The following HDAC9 variants were observed in gnomAD, a reference collection of about 807,000 sequenced individuals.
HDAC9 encodes MEF-2 interacting transcription repressor (MITR) protein.
Under a neutral mutation model 139.4 loss-of-function variants are expected in HDAC9, and 41 were observed. That is an observed-to-expected ratio of 0.29 (90% CI 0.23 to 0.38). The LOEUF (loss-of-function observed/expected upper bound fraction) is 0.38, where lower values mean the gene tolerates loss of function less well. Among genes scored for constraint, HDAC9 ranks in the 10% least tolerant of loss-of-function variants. The pLI is 1.00. For synonymous variants in HDAC9, 517 were observed against 476.2 expected, an observed-to-expected ratio of 1.09 and a Z score of -1.12; for missense variants, 1,147 against 1,297.0, an observed-to-expected ratio of 0.88 and a Z score of 1.78.
chr7:18,825,098 G>GTT (rs1200999977), intron 17 of HDAC9, among the ~76,000 whole-genome samples: 1 of 152,188 alleles, frequency 6.6e-6, no homozygotes, highest in Admixed American at 6.5e-5. Context: ...AGAGTTTCAA[G>GTT]TGACTTTGAT....
At chr7:18,268,138 C>T (rs894055480) in intron 2 of HDAC9, among the ~76,000 whole-genome samples, 1 of 152,032 alleles carries the variant, frequency 6.6e-6, no homozygotes, top group Non-Finnish European at 1.5e-5. Context: ...TAATGAAACA[C>T]TAAGCCTATT....
At chr7:18,838,997 A>T (rs1446059707) in intron 21 of HDAC9, among the ~76,000 whole-genome samples, 2 of 152,026 alleles carry the variant, frequency 1.3e-5, no homozygotes, top group South Asian at 2.1e-4. Flanking sequence ...AATAGAATTT[A>T]AAAAATATAA....
At chr7:18,373,803 T>G (rs778097139) in intron 1 of HDAC9, among the ~76,000 whole-genome samples, 11 of 152,136 alleles carry the variant, frequency 7.2e-5, no homozygotes, top group Non-Finnish European at 1.3e-4. Context: ...ATAATATATT[T>G]TTTCTGGCAT....
At chr7:18,314,938 C>G (rs998572585) in intron 1 of HDAC9, among the ~76,000 whole-genome samples, 1 of 152,102 alleles carries the variant, frequency 6.6e-6, no homozygotes, top group Non-Finnish European at 1.5e-5. Flanking sequence ...GAGCAAGGAA[C>G]AGTGAGAAAT....
At chr7:18,967,484 G>GAAAA (rs1783938419) in intron 24 of HDAC9, among the ~76,000 whole-genome samples, 1 of 130,772 alleles carries the variant, frequency 7.6e-6, no homozygotes, top group African/African-American at 3.1e-5. Context: ...CAAAATTTTT[G>GAAAA]TAAATAAAGT....
Position 18,647,767 on chromosome 7 carries a change from T to C in HDAC9, c.1036-18T>C. 1.9e-6 allele frequency: 3 copies of C among 1,585,544 alleles called. No homozygotes were observed. The highest frequency in any genetic ancestry group is 3.3e-4 in the Middle Eastern group (2 of 5,992). On this transcript the variant is annotated intron_variant, in intron 9 of 25. Transcript: ENST00000686413. ...ATGGATGAAAGAGGATTAACATCTT[T>C]GTTATTTCTCAACACAGGCTTCGAA... is the stretch of plus-strand genomic sequence containing the variant.
intron 22 of HDAC9, among the ~76,000 whole-genome samples, chr7:18,916,022 G>GAAAAAAAA (rs55866735): frequency 2.9e-5 from 4 of 138,128 alleles, no homozygotes; most frequent in African/African-American, 1.1e-4. Context: ...CCCCCCGCTG[G>GAAAAAAAA]AAAAAAAAAA....
At chr7:18,103,740 A>G (rs2731549) in intron 1 of HDAC9, among the ~76,000 whole-genome samples, 89,509 of 152,148 alleles carry the variant, frequency 0.59, 29,880 homozygotes, top group East Asian at 0.79. Flanking sequence ...GATATAAACA[A>G]GAGTTAAGCT....
intron 2 of HDAC9, among the ~76,000 whole-genome samples, chr7:18,539,986 G>A (rs1417948025): frequency 6.6e-6 from 1 of 151,550 alleles, no homozygotes; most frequent in African/African-American, 2.4e-5. Context: ...GGCCGGGCAC[G>A]GTGGCTCATG....
At chr7:18,950,384 T>C (rs1411590416) in intron 23 of HDAC9, among the ~76,000 whole-genome samples, 1 of 152,082 alleles carries the variant, frequency 6.6e-6, no homozygotes, top group East Asian at 1.9e-4. Context: ...GAAAACAAAA[T>C]GAGTTATCAC....
At chr7:18,850,795 G>A (rs998969199) in intron 21 of HDAC9, among the ~76,000 whole-genome samples, 3 of 152,138 alleles carry the variant, frequency 2.0e-5, no homozygotes, top group African/African-American at 4.8e-5. Context: ...AGATTCAGGC[G>A]TCAGCAGAAT....
chr7:18,779,542 T>C lies in HDAC9; in HGVS notation c.2214+12387T>C, dbSNP rs143952457. On this transcript the variant is annotated intron_variant, in intron 16 of 25. Coordinates refer to ENST00000686413, the MANE Select transcript of HDAC9 (RefSeq NM_178425.4). Reference sequence around the variant, plus strand: ...GTCCACAAAACTGCTCGGAATAGTTTTATTTTAGAAGTATCCTGCCCAGCC... The same window carrying C: ...GTCCACAAAACTGCTCGGAATAGTTCTATTTTAGAAGTATCCTGCCCAGCC... Among the ~76,000 whole-genome samples, 13 of 152,118 alleles carry C rather than the reference T, an allele frequency of 8.5e-5. No homozygotes were observed. The East Asian group carries it at 2.5e-3, about 30-fold the overall frequency.
At chr7:18,878,971 C>T (rs1348972153) in intron 22 of HDAC9, among the ~76,000 whole-genome samples, 2 of 152,152 alleles carry the variant, frequency 1.3e-5, no homozygotes, top group South Asian at 2.1e-4. Flanking sequence ...TTTCAAGATG[C>T]AAAATTAATG....
intron 1 of HDAC9, among the ~76,000 whole-genome samples, chr7:18,396,173 T>G (rs925796943): frequency 2.6e-4 from 37 of 143,860 alleles, no homozygotes; most frequent in Middle Eastern, 3.6e-3. Flanking sequence ...TTTCCTTTCT[T>G]CTACAAATAT....
intron 14 of HDAC9, among the ~76,000 whole-genome samples, chr7:18,759,977 GAAGA>G (rs1472249055): frequency 6.6e-6 from 1 of 152,114 alleles, no homozygotes; most frequent in East Asian, 1.9e-4. Flanking sequence ...TTATAGACAT[GAAGA>G]AAGGAGGAAA....
At chr7:18,502,244 C>T (rs1397424795) in intron 2 of HDAC9, 1 of 152,164 alleles carries the variant, frequency 6.6e-6, no homozygotes, top group Admixed American at 6.6e-5. Context: ...GCTGTCTTGG[C>T]GTCTCTTTTA....
chr7:18,425,108 G>T (rs1789992865), intron 1 of HDAC9, among the ~76,000 whole-genome samples: 1 of 151,690 alleles, frequency 6.6e-6, no homozygotes, highest in Admixed American at 6.6e-5. Flanking sequence ...TTTTTTTCTT[G>T]TCATAAAATA....
upstream of HDAC9, among the ~76,000 whole-genome samples, chr7:18,288,107 T>G (rs1013357558): frequency 2.6e-5 from 4 of 152,224 alleles, no homozygotes; most frequent in African/African-American, 9.6e-5. Context: ...TGTTCACCAT[T>G]TGGAAAACCA....
At chr7:18,922,036 C>G (rs1384168434) in intron 22 of HDAC9, among the ~76,000 whole-genome samples, 3 of 133,216 alleles carry the variant, frequency 2.3e-5, no homozygotes, top group Non-Finnish European at 4.6e-5. Flanking sequence ...AATGAGAACA[C>G]ATGGACACAG....
Sources: gnomAD v4.1 joint callset for allele counts (sites outside exome capture counted in the v4.1 genomes callset) on GRCh38, gnomAD v4.1.1 for gene constraint, MANE v1.5 for transcripts, NCBI Gene and HGNC (gene_info 2026-07-23, HGNC 2026-07-21) for gene names.